DNA2: variants seen among roughly 807,000 people sequenced by gnomAD.
The protein encoded by DNA2 is DNA replication ATP-dependent helicase/nuclease DNA2.
Under a neutral mutation model 119.1 loss-of-function variants are expected in DNA2, and 101 were observed. That is an observed-to-expected ratio of 0.85 (90% CI 0.72 to 1.00). The LOEUF (loss-of-function observed/expected upper bound fraction) is 1.00, where lower values mean the gene tolerates loss of function less well. DNA2 is among the 50% of genes least tolerant of loss of function. DNA2 has a pLI of 0.00. For synonymous variants in DNA2, 366 were observed against 424.4 expected, an observed-to-expected ratio of 0.86 and a Z score of 1.69; for missense variants, 1,121 against 1,255.5, an observed-to-expected ratio of 0.89 and a Z score of 1.62.
At chr10:68,442,685 T>C (rs191305273) in intron 9 of DNA2, among the ~76,000 whole-genome samples, 154 of 152,378 alleles carry the variant, frequency 1.0e-3, no homozygotes, top group African/African-American at 3.5e-3. Flanking sequence ...TCTTGAGGTA[T>C]ATTTAGTCTA....
At chr10:68,464,985 C>T (rs2052309887) in intron 4 of DNA2, among the ~76,000 whole-genome samples, 1 of 150,642 alleles carries the variant, frequency 6.6e-6, no homozygotes, top group South Asian at 2.1e-4. Context: ...AGACCCCTAT[C>T]TCCCCTCCAA....
At chr10:68,460,001 T>C (rs2052234048) in intron 4 of DNA2, among the ~76,000 whole-genome samples, 1 of 148,540 alleles carries the variant, frequency 6.7e-6, no homozygotes, top group Non-Finnish European at 1.5e-5. Context: ...CACTCCAGCC[T>C]GGGCAAGAGA....
intron 6 of DNA2, among the ~76,000 whole-genome samples, chr10:68,447,710 G>A (rs914782608): frequency 3.3e-5 from 5 of 151,462 alleles, no homozygotes; most frequent in East Asian, 2.0e-4. Flanking sequence ...AAGGCCGGGC[G>A]CAGTGGTTCA....
Position 68,459,103 on chromosome 10 carries a change from CAG to C in DNA2, c.718_719del (p.Leu240AlafsTer3), listed in dbSNP as rs1452003569. The C allele has an allele frequency of 3.8e-6, 6 of 1,590,806 alleles. No individual in the cohort carries two copies. The highest frequency in any genetic ancestry group is 1.3e-5 in the African/African-American group (1 of 74,478). On this transcript the variant is annotated frameshift_variant and splice_region_variant, in exon 5 of 21. Coordinates refer to ENST00000358410, the MANE Select transcript of DNA2 (RefSeq NM_001080449.3). LOFTEE classifies it high-confidence loss of function. ...ATATATAAACAAAATGTGTTTCTTACAGAGAGAGCTGCATCTGAGGGAAGTCA... is the reference window on the plus strand; with the variant it reads ...ATATATAAACAAAATGTGTTTCTTACAGAGAGCTGCATCTGAGGGAAGTCA... Reference protein sequence around the residue: ...STDFPQMQLSLPSDNSKDNST... With the variant: ...STDFPQMQLSXPSDNSKDNST...
intron 9 of DNA2, among the ~76,000 whole-genome samples, chr10:68,441,335 TAAAAAAAA>T (rs35334686): frequency 8.3e-6 from 1 of 121,116 alleles, no homozygotes; most frequent in Non-Finnish European, 1.8e-5. Flanking sequence ...CCCTGTCTCT[TAAAAAAAA>T]AAAAAAAAAA....
intron 6 of DNA2, among the ~76,000 whole-genome samples, chr10:68,449,210 C>T (rs537353438): frequency 9.9e-5 from 15 of 152,224 alleles, no homozygotes; most frequent in African/African-American, 3.6e-4. Context: ...AAACACATTC[C>T]TTCTGACCTT....
chr10:68,415,091 G>C lies in DNA2; in HGVS notation c.3131C>G (p.Ser1044Ter), dbSNP rs1590042664. 1 of 1,569,746 alleles carries C rather than the reference G, an allele frequency of 6.4e-7. No homozygotes were observed. Among genetic ancestry groups the C allele is most frequent in the African/African-American group, 1.3e-5 (1 of 74,238 alleles). ...NSEKLIIDLPSREHESLCHIL... is the reference protein window; with the variant it reads ...NSEKLIIDLP ...GTGGCAAAGACTTTCATGTTCTCTT[G>C]ATGGAAGATCAATGATGTAAAATAA... The change falls in exon 21 of 21, where the codon TCA (serine) becomes TGA (stop). Residue 1044 changes from serine (S) to a stop codon, truncating the protein, a stop_gained. Transcript: ENST00000358410. LOFTEE classifies it high-confidence loss of function.
intron 10 of DNA2, 77 bp from the exon 11 acceptor site, chr10:68,432,587 A>G: frequency 1.2e-6 from 1 of 835,976 alleles, no homozygotes; most frequent in Non-Finnish European, 1.9e-6. Flanking sequence ...GCTATCTGCT[A>G]AAAGAATGAA....
chr10:68,437,709 T>C (rs1173031119), intron 9 of DNA2, among the ~76,000 whole-genome samples: 2 of 152,026 alleles, frequency 1.3e-5, no homozygotes, highest in Admixed American at 1.3e-4. Context: ...CCTGTCATTT[T>C]TACATTTTCC....
At chr10:68,444,799 G>A in intron 8 of DNA2, 122 bp downstream of exon 8, 1 of 633,802 alleles carries the variant, frequency 1.6e-6, no homozygotes. Context: ...TAATACGAAG[G>A]AAAATATAAA....
chr10:68,432,125 T>G (rs2051830279), intron 12 of DNA2, 81 bp downstream of exon 12: 2 of 1,163,650 alleles, frequency 1.7e-6, no homozygotes, highest in African/African-American at 1.6e-5. Flanking sequence ...GTTGCAAGTC[T>G]AATCAAGATA....
intron 4 of DNA2, among the ~76,000 whole-genome samples, chr10:68,463,391 C>CCGAG (rs1426644959): frequency 6.8e-6 from 1 of 147,088 alleles, no homozygotes; most frequent in Non-Finnish European, 1.5e-5. Context: ...TTGCAGTGAG[C>CCGAG]CGAGATTGTG....
intron 10 of DNA2, among the ~76,000 whole-genome samples, chr10:68,434,494 A>T (rs1227416990): frequency 6.6e-6 from 1 of 151,932 alleles, no homozygotes; most frequent in Non-Finnish European, 1.5e-5. Context: ...TCTACAAAAA[A>T]TTAAAAAATT....
chr10:68,420,254 G>A (rs1480497245), intron 17 of DNA2, among the ~76,000 whole-genome samples: 2 of 151,982 alleles, frequency 1.3e-5, no homozygotes, highest in African/African-American at 4.8e-5. Flanking sequence ...TTGAACTTAG[G>A]GTGGCCGGGC....
chr10:68,451,407 C>T (rs988096604), intron 5 of DNA2, among the ~76,000 whole-genome samples: 5 of 151,916 alleles, frequency 3.3e-5, no homozygotes, highest in African/African-American at 4.8e-5. Context: ...GTTGAAGGAA[C>T]GAGAAGAGGT....
chr10:68,472,062 C>G (rs770593132), upstream of DNA2: 40 of 1,594,252 alleles, frequency 2.5e-5, no homozygotes, highest in Middle Eastern at 8.4e-4. Flanking sequence ...ACCTGAGCAG[C>G]AGGGCTCTGT....
intron 17 of DNA2, among the ~76,000 whole-genome samples, chr10:68,421,635 C>T (rs928569607): frequency 6.6e-6 from 1 of 150,434 alleles, no homozygotes; most frequent in African/African-American, 2.4e-5. Context: ...TGCCTGTAAT[C>T]CCAGCTACTT....
intron 19 of DNA2, among the ~76,000 whole-genome samples, chr10:68,417,111 G>C (rs2051599132): frequency 6.6e-6 from 1 of 151,974 alleles, no homozygotes; most frequent in Non-Finnish European, 1.5e-5. Flanking sequence ...AGGCGTGGTG[G>C]TGTGCACCTA....
chr10:68,456,399 G>A (rs79468985), intron 5 of DNA2, among the ~76,000 whole-genome samples: 38,547 of 152,008 alleles, frequency 0.25, 5,691 homozygotes, highest in East Asian at 0.4. Flanking sequence ...GCAAAGCTTT[G>A]TGACTCACAA....
Sources: allele counts gnomAD v4.1 joint callset (sites outside exome capture counted in the v4.1 genomes callset), GRCh38; gene constraint gnomAD v4.1.1; transcripts MANE v1.5; gene names NCBI Gene and HGNC (gene_info 2026-07-23, HGNC 2026-07-21).